Variants in AFF3 observed in about 807,000 individuals in gnomAD.
The protein encoded by AFF3 is ALF transcription elongation factor 3.
AFF3 carries 32 observed loss-of-function variants against 129.7 expected under a neutral mutation model. The observed-to-expected ratio is 0.25, with a 90% CI of 0.19 to 0.33. The LOEUF is 0.33. Among genes scored for constraint, AFF3 ranks in the 10% least tolerant of loss-of-function variants. AFF3 has a pLI of 1.00. For synonymous variants in AFF3, 644 were observed against 635.4 expected, an observed-to-expected ratio of 1.01 and a Z score of -0.20; for missense variants, 1,373 against 1,592.0, an observed-to-expected ratio of 0.86 and a Z score of 2.34.
At chr2:100,000,567 C>T (rs1452157911) in intron 7 of AFF3, among the ~76,000 whole-genome samples, 4 of 152,160 alleles carry the variant, frequency 2.6e-5, no homozygotes, top group Admixed American at 1.3e-4. Flanking sequence ...ACAATATACT[C>T]GCTTTTCTAT....
At chr2:99,608,717 A>G (rs1203391849) in intron 13 of AFF3, among the ~76,000 whole-genome samples, 1 of 152,190 alleles carries the variant, frequency 6.6e-6, no homozygotes, top group Non-Finnish European at 1.5e-5. Flanking sequence ...TGGAAACAAG[A>G]GCTCATTATT....
chr2:99,957,898 G>A (rs1035848337), intron 7 of AFF3, among the ~76,000 whole-genome samples: 2 of 152,156 alleles, frequency 1.3e-5, no homozygotes, highest in African/African-American at 4.8e-5. Context: ...CACTGGGGCT[G>A]AGGTCAGTGT....
chr2:99,830,849 T>G (rs1476587090), intron 8 of AFF3, among the ~76,000 whole-genome samples: 1 of 152,374 alleles, frequency 6.6e-6, no homozygotes, highest in East Asian at 1.9e-4. Flanking sequence ...GTATGACTAT[T>G]GTAGACTTGA....
At chr2:99,663,766 TGTACATAGCCATTCAATTTAGATCCCTG>T (rs1337537251) in intron 12 of AFF3, among the ~76,000 whole-genome samples, 3 of 152,226 alleles carry the variant, frequency 2.0e-5, no homozygotes, top group Admixed American at 1.3e-4. Flanking sequence ...GCTGCAGGCA[TGTACATAGCCATTCAATTTAGATCCCTG>T]GTCCCTTCCT....
chr2:99,668,463 C>T (rs1360247580), intron 12 of AFF3, among the ~76,000 whole-genome samples: 1 of 150,898 alleles, frequency 6.6e-6, no homozygotes, highest in Non-Finnish European at 1.5e-5. Context: ...AGCCACCACA[C>T]CCCGCCGGGA....
At chr2:99,643,385 A>G (rs1192172895) in intron 13 of AFF3, among the ~76,000 whole-genome samples, 1 of 152,064 alleles carries the variant, frequency 6.6e-6, no homozygotes, top group African/African-American at 2.4e-5. Flanking sequence ...AAGGAGCCAT[A>G]TTGCTTTGGG....
intron 16 of AFF3, among the ~76,000 whole-genome samples, chr2:99,585,580 A>G (rs1678022708): frequency 6.6e-6 from 1 of 152,158 alleles, no homozygotes; most frequent in Non-Finnish European, 1.5e-5. Flanking sequence ...TAGAGAAGTG[A>G]CCTCTTCATT....
intron 8 of AFF3, among the ~76,000 whole-genome samples, chr2:99,782,314 C>T (rs1344110458): frequency 6.6e-6 from 1 of 152,150 alleles, no homozygotes; most frequent in African/African-American, 2.4e-5. Flanking sequence ...GCAGGATTCC[C>T]TTTTTATGTT....
intron 19 of AFF3, 66 bp downstream of exon 19, chr2:99,568,786 C>A: frequency 6.9e-7 from 1 of 1,452,936 alleles, no homozygotes; most frequent in Non-Finnish European, 9.7e-7. Flanking sequence ...GCTATATTGT[C>A]CCAGTGATGA....
At chr2:100,086,708 T>C (rs1689460305) in intron 4 of AFF3, among the ~76,000 whole-genome samples, 1 of 152,230 alleles carries the variant, frequency 6.6e-6, no homozygotes, top group African/African-American at 2.4e-5. Context: ...AAAAGATGTT[T>C]CTAGCTGGCC....
chr2:99,904,129 T>G (rs947518729), intron 7 of AFF3, among the ~76,000 whole-genome samples: 1 of 152,164 alleles, frequency 6.6e-6, no homozygotes, highest in African/African-American at 2.4e-5. Context: ...CTTTACCATC[T>G]GACGCTCAGC....
At position 99,593,240 on chromosome 2, in the gene AFF3, G is replaced by C. The variant is rs944158117; in HGVS notation, c.2421C>G (p.Asp807Glu). ...SESAPPSHTSDTPAEKALPKS... is the reference protein window; with the variant it reads ...SESAPPSHTSETPAEKALPKS... ...TTGGCAAAGCCTTTTCTGCAGGTGT[G>C]TCCGAGGTGTGGCTGGGCGGTGCGC... Residue 807 changes from aspartate (D) to glutamate (E), a missense_variant, in exon 15 of 25, where the codon GAC becomes GAG. Physicochemically the swap from Asp to Glu is conservative, Grantham distance 45 (BLOSUM62 2). This residue lies in a region of AFF3 where 466 missense variants were observed against 505.0 expected (regional missense o/e 0.92). Coordinates refer to ENST00000672756, the MANE Select transcript of AFF3 (RefSeq NM_001386135.1). The C allele has an allele frequency of 1.9e-6, 3 of 1,608,994 alleles. No homozygotes were observed. The African/African-American group carries it at 4.0e-5, about 22-fold the overall frequency.
chr2:99,580,489 C>T (rs1197366872), intron 17 of AFF3, among the ~76,000 whole-genome samples: 2 of 152,174 alleles, frequency 1.3e-5, no homozygotes, highest in African/African-American at 4.8e-5. Flanking sequence ...GTCACCACTG[C>T]GAGTGGGTGC....
At chr2:99,965,888 GCTAATTAGACA>G (rs376738177) in intron 7 of AFF3, among the ~76,000 whole-genome samples, 17 of 152,288 alleles carry the variant, frequency 1.1e-4, no homozygotes, top group African/African-American at 3.6e-4. Flanking sequence ...GCCAAAACTA[GCTAATTAGACA>G]TGGTGCTTTG....
intron 11 of AFF3, among the ~76,000 whole-genome samples, chr2:99,699,874 T>A (rs1011997802): frequency 3.9e-5 from 6 of 152,232 alleles, no homozygotes; most frequent in Admixed American, 1.3e-4. Flanking sequence ...TAAACATGAT[T>A]CTAACCAATC....
intron 4 of AFF3, among the ~76,000 whole-genome samples, chr2:100,015,186 C>T (rs1682909527): frequency 1.3e-5 from 2 of 152,090 alleles, no homozygotes; most frequent in South Asian, 4.1e-4. Context: ...ATCATTGCTA[C>T]CTCACTCTAA....
chr2:99,989,014 C>A (rs1680111747), intron 7 of AFF3, among the ~76,000 whole-genome samples: 1 of 152,098 alleles, frequency 6.6e-6, no homozygotes, highest in African/African-American at 2.4e-5. Context: ...AAAAGGAATT[C>A]ACAACGGATT....
intron 12 of AFF3, among the ~76,000 whole-genome samples, chr2:99,668,581 G>A (rs1320834934): frequency 6.8e-6 from 1 of 147,550 alleles, no homozygotes; most frequent in Non-Finnish European, 1.5e-5. Flanking sequence ...TTTTTTTTTC[G>A]AGAAGGAATC....
intron 7 of AFF3, among the ~76,000 whole-genome samples, chr2:99,979,012 G>A (rs1679146861): frequency 6.6e-6 from 1 of 152,112 alleles, no homozygotes. Context: ...CTGACTACAT[G>A]GGCTCTTCAA....
Sources: gnomAD v4.1 joint callset for allele counts (sites outside exome capture counted in the v4.1 genomes callset) on GRCh38, gnomAD v4.1.1 for gene constraint, gnomAD v4.1.1 regional missense constraint, MANE v1.5 for transcripts, NCBI Gene and HGNC (gene_info 2026-07-23, HGNC 2026-07-21) for gene names.